Variants in HCRTR2 observed in about 807,000 individuals in gnomAD.
HCRTR2 encodes the protein orexin receptor type 2.
A neutral mutation model predicts 49.0 loss-of-function variants in HCRTR2; 22 were observed. The observed-to-expected ratio is 0.45, with a 90% confidence interval of 0.32 to 0.64. The LOEUF (loss-of-function observed/expected upper bound fraction) is 0.64, where lower values mean the gene tolerates loss of function less well. HCRTR2 is among the 30% of genes least tolerant of loss of function. The pLI is 0.04. For synonymous variants in HCRTR2, 236 were observed against 205.3 expected (o/e 1.15, Z -1.28); for missense variants, 491 against 559.4 (o/e 0.88, Z 1.23).
At chr6:55,181,614 A>T (rs1224949871) in intron 1 of HCRTR2, among the ~76,000 whole-genome samples, 1 of 152,306 alleles carries the variant, frequency 6.6e-6, no homozygotes, top group East Asian at 1.9e-4. Context: ...TCACAACAAC[A>T]TTATGAGGTA....
At chr6:55,116,479 G>T (rs2127612232) in intron 1 of HCRTR2, among the ~76,000 whole-genome samples, 1 of 150,742 alleles carries the variant, frequency 6.6e-6, no homozygotes, top group Non-Finnish European at 1.5e-5. Context: ...AAGAGGAAGA[G>T]GGAAAGAAAA....
upstream of HCRTR2, chr6:55,174,512 A>G: frequency 7.9e-7 from 1 of 1,264,584 alleles, no homozygotes; most frequent in East Asian, 2.3e-5. Context: ...AGCCTTTCCC[A>G]CCGCAAATCA....
At chr6:55,218,746 C>G (rs1307417196) in intron 1 of HCRTR2, among the ~76,000 whole-genome samples, 2 of 152,100 alleles carry the variant, frequency 1.3e-5, no homozygotes, top group African/African-American at 2.4e-5. Context: ...AATCTTAGGG[C>G]TTTAAAATAT....
intron 1 of HCRTR2, among the ~76,000 whole-genome samples, chr6:55,137,844 G>A (rs1273205575): frequency 6.6e-6 from 1 of 152,150 alleles, no homozygotes; most frequent in East Asian, 1.9e-4. Flanking sequence ...AAATACCTTA[G>A]TTGTTATTGG....
intron 1 of HCRTR2, among the ~76,000 whole-genome samples, chr6:55,235,015 A>G (rs1378994214): frequency 6.6e-6 from 1 of 152,180 alleles, no homozygotes; most frequent in African/African-American, 2.4e-5. Context: ...TGGAACTACT[A>G]CTAAACATAC....
At chr6:55,163,823 C>CA (rs1764839706) in intron 1 of HCRTR2, among the ~76,000 whole-genome samples, 1 of 152,136 alleles carries the variant, frequency 6.6e-6, no homozygotes, top group South Asian at 2.1e-4. Context: ...AAGAAACTAT[C>CA]ATCAGAGTGA....
intron 1 of HCRTR2, among the ~76,000 whole-genome samples, chr6:55,191,022 G>T (rs573635995): frequency 6.6e-6 from 1 of 152,172 alleles, no homozygotes; most frequent in South Asian, 2.1e-4. Context: ...GAGGGGAGTA[G>T]ATTAAAACAC....
At chr6:55,121,122 C>T (rs550113223) in intron 1 of HCRTR2, among the ~76,000 whole-genome samples, 94 of 152,190 alleles carry the variant, frequency 6.2e-4, no homozygotes, top group African/African-American at 2.2e-3. Flanking sequence ...GAATGTTCTT[C>T]CATTTGTTTG....
chr6:55,186,604 G>T (rs57819349), intron 1 of HCRTR2, among the ~76,000 whole-genome samples: 1 of 152,012 alleles, frequency 6.6e-6, no homozygotes, highest in African/African-American at 2.4e-5. Flanking sequence ...TAAATGATAC[G>T]CTATATTTCT....
chr6:55,106,597 T>C (rs570368175), intron 1 of HCRTR2: 1 of 152,240 alleles, frequency 6.6e-6, no homozygotes, highest in South Asian at 2.1e-4. Context: ...TTCAAGTCAA[T>C]TCAATAAATA....
At chr6:55,163,092 C>T (rs149850387) in intron 1 of HCRTR2, among the ~76,000 whole-genome samples, 8,040 of 151,822 alleles carry the variant, frequency 0.053, 230 homozygotes, top group Non-Finnish European at 0.061. Context: ...AAAAATTAGC[C>T]GGGCGTGGTG....
intron 1 of HCRTR2, among the ~76,000 whole-genome samples, chr6:55,236,983 A>T (rs1484333367): frequency 6.6e-6 from 1 of 151,832 alleles, no homozygotes; most frequent in Non-Finnish European, 1.5e-5. Flanking sequence ...TGTTATGCAC[A>T]CTCTTCTGCA....
At chr6:55,207,304 T>G (rs1228438255) in intron 1 of HCRTR2, among the ~76,000 whole-genome samples, 1 of 152,154 alleles carries the variant, frequency 6.6e-6, no homozygotes, top group Non-Finnish European at 1.5e-5. Flanking sequence ...TGAAAGCATT[T>G]ATTGCCATTT....
At chr6:55,271,047 A>G (rs1439321048) in intron 4 of HCRTR2, among the ~76,000 whole-genome samples, 1 of 152,156 alleles carries the variant, frequency 6.6e-6, no homozygotes, top group African/African-American at 2.4e-5. Context: ...ACAAATTGAC[A>G]AACTGATCCT....
At chr6:55,169,281 G>A (rs187994558) in intron 1 of HCRTR2, among the ~76,000 whole-genome samples, 1 of 151,678 alleles carries the variant, frequency 6.6e-6, no homozygotes, top group East Asian at 2.0e-4. Flanking sequence ...AATAATGCAG[G>A]ACAGGAGGCA....
At chr6:55,107,713 C>T (rs1325981905) in intron 1 of HCRTR2, among the ~76,000 whole-genome samples, 1 of 152,096 alleles carries the variant, frequency 6.6e-6, no homozygotes, top group African/African-American at 2.4e-5. Flanking sequence ...ACATAAATTT[C>T]AAACAATAAG....
At chr6:55,172,197 T>C (rs138145225), upstream of HCRTR2, among the ~76,000 whole-genome samples, 161 of 152,308 alleles carry the variant, frequency 1.1e-3, 1 homozygote, top group African/African-American at 3.8e-3. Context: ...ATTAACAGAA[T>C]GAAATTAATA....
Position 55,277,587 on chromosome 6 carries a change from A to G in HCRTR2, c.970A>G (p.Asn324Asp). 6.2e-7 allele frequency: 1 copy of G among 1,610,026 alleles called. No individual in the cohort carries two copies. Among genetic ancestry groups the G allele is most frequent in the South Asian group, 1.1e-5 (1 of 91,006 alleles). Residue 324 changes from asparagine (N) to aspartate (D), a missense_variant, in exon 5 of 7, where the codon AAT becomes GAT. Coordinates refer to ENST00000370862, the MANE Select transcript of HCRTR2 (RefSeq NM_001384272.1). ...TTGCTATCTACCAATTAGCATCCTC[A>G]ATGTGCTAAAGAGGTAAAACTTATC... is the stretch of plus-strand genomic sequence containing the variant. The part of the protein sequence containing the change: ...AICYLPISIL[N>D]VLKRVFGMFA...
At chr6:55,166,706 AC>A (rs1414655057) in intron 1 of HCRTR2, among the ~76,000 whole-genome samples, 1 of 152,120 alleles carries the variant, frequency 6.6e-6, no homozygotes, top group African/African-American at 2.4e-5. Context: ...CCAGGCATGC[AC>A]CCAAGAGCAT....
Sources: gnomAD v4.1 joint callset for allele counts (sites outside exome capture counted in the v4.1 genomes callset) on GRCh38, gnomAD v4.1.1 for gene constraint, MANE v1.5 for transcripts, NCBI Gene and HGNC (gene_info 2026-07-23, HGNC 2026-07-21) for gene names.